The following SUPT5H variants were observed in gnomAD, a reference collection of about 807,000 sequenced individuals.
SUPT5H encodes SPT5 homolog, DSIF elongation factor subunit.
Under a neutral mutation model 142.5 loss-of-function variants are expected in SUPT5H, and 24 were observed. The ratio of observed to expected loss-of-function variants is 0.17; its 90% CI spans 0.12 to 0.24. SUPT5H has a LOEUF of 0.24. SUPT5H is among the 10% of genes least tolerant of loss of function. The pLI, the probability that SUPT5H is intolerant of heterozygous loss-of-function variation, is 1.00. For missense variants in SUPT5H, 893 were observed against 1,471.8 expected (o/e 0.61, Z 6.43); for synonymous variants, 546 against 553.0 (o/e 0.99, Z 0.18).
At position 39,458,431 on chromosome 19, in the gene SUPT5H, C is replaced by G; in HGVS notation, c.319+126C>G. 1 of 1,516,510 alleles carries G rather than the reference C, an allele frequency of 6.6e-7. No homozygotes were observed. The highest frequency in any genetic ancestry group is 8.9e-7 in the Non-Finnish European group (1 of 1,122,860). 93.9% of individuals were successfully genotyped at this position (1,516,510 alleles called of 1,614,324 possible). ...CCGGTCTGGCCCTGAGGGCTCTGACCCATGTAGGATCCAGAGTCAGGGAGT... is the reference window on the plus strand; with the variant it reads ...CCGGTCTGGCCCTGAGGGCTCTGACGCATGTAGGATCCAGAGTCAGGGAGT... On this transcript the variant is annotated intron_variant, in intron 5 of 29. Coordinates refer to ENST00000432763, the MANE Select transcript of SUPT5H (RefSeq NM_001111020.3). This position sits in a 1 kb window ranked among gnomAD's most constrained non-coding sequence, Gnocchi z 4.2.
At chr19:39,461,821 CAAAAA>C (rs747295729) in intron 10 of SUPT5H, among the ~76,000 whole-genome samples, 61 of 128,416 alleles carry the variant, frequency 4.8e-4, no homozygotes, top group African/African-American at 1.6e-3. Context: ...GAGACTGTCT[CAAAAA>C]AAAAAAAAAA....
intron 8 of SUPT5H, 55 bp downstream of exon 8, chr19:39,459,304 G>A: frequency 6.5e-7 from 1 of 1,544,190 alleles, no homozygotes; most frequent in South Asian, 1.2e-5. Context: ...TGTATGGGGT[G>A]ATGGTGCCTA....
intron 3 of SUPT5H, among the ~76,000 whole-genome samples, chr19:39,456,638 A>C (rs62120667): frequency 0.16 from 24,126 of 151,654 alleles, 2,114 homozygotes; most frequent in Middle Eastern, 0.28. Context: ...CAGGCTGATC[A>C]TGAGCTCCTG....
In SUPT5H at chr19:39,472,726, C is replaced by A; in HGVS notation, c.2036-84C>A. On this transcript the variant is annotated intron_variant, in intron 21 of 29. Transcript: ENST00000432763. This position sits in a 1 kb window ranked among gnomAD's most constrained non-coding sequence, Gnocchi z 4.2. ...GCTCTTAACCCAAGTAGGGAGGAGT[C>A]AAGCAAGTGAAGGGGACGTTCTGAT... 6.6e-7 allele frequency: 1 copy of A among 1,521,048 alleles called. No individual in the cohort carries two copies. 94.2% of individuals were successfully genotyped at this position (1,521,048 alleles called of 1,614,324 possible).
intron 3 of SUPT5H, among the ~76,000 whole-genome samples, chr19:39,454,926 TATGTTGGTGGTGGAA>T (rs2079068708): frequency 2.6e-5 from 4 of 152,142 alleles, no homozygotes. Flanking sequence ...GGGACACCCA[TATGTTGGTGGTGGAA>T]GTGTTGGTGG....
rs570883171 is a variant in SUPT5H, at chr19:39,452,898, A to G, written c.76-458A>G. On this transcript the variant is annotated intron_variant, in intron 2 of 29. Coordinates refer to ENST00000432763, the MANE Select transcript of SUPT5H (RefSeq NM_001111020.3). ...TGTGGTGGCGCACACCTGTAATCTCAGCTACTCAGGAGGCTGAGGCAAGAG... is the reference window on the plus strand; with the variant it reads ...TGTGGTGGCGCACACCTGTAATCTCGGCTACTCAGGAGGCTGAGGCAAGAG... Among the ~76,000 whole-genome samples the G allele has an allele frequency of 2.7e-4, 41 of 151,974 alleles. No individual in the cohort carries two copies. In the Middle Eastern group the frequency reaches 0.01, roughly 38 times the overall value.
Position 39,476,474 on chromosome 19 carries a change from A to G in SUPT5H, c.*75A>G, listed in dbSNP as rs1184785449. 2 of 1,574,360 alleles carry G rather than the reference A, an allele frequency of 1.3e-6. No homozygotes were observed. Among genetic ancestry groups the G allele is most frequent in the Admixed American group, 1.7e-5 (1 of 58,764 alleles). On this transcript the variant is annotated 3_prime_UTR_variant, in exon 30 of 30. Coordinates refer to ENST00000432763, the MANE Select transcript of SUPT5H (RefSeq NM_001111020.3). ...TTCCCTGGCCCTTGGCTGTGACACA[A>G]GATCCTCCTGCAGGGCTAGGCGGAT...
chr19:39,470,339 C>T lies in SUPT5H; in HGVS notation c.1531-38C>T, dbSNP rs761303453. On this transcript the variant is annotated intron_variant, in intron 17 of 29. Transcript: ENST00000432763. The surrounding 1 kb of genome is among the most constrained non-coding windows in gnomAD (Gnocchi z 5.8). The stretch of plus-strand genomic sequence containing the variant: ...AGAGGAGACCCAGGTAGGCGAGCCA[C>T]CTGGACTGGGCCTCACCCCTTTCAC... The T allele has an allele frequency of 4.5e-6, 7 of 1,545,798 alleles. No homozygotes were observed. The South Asian group carries it at 6.2e-5, about 14-fold the overall frequency.
chr19:39,459,556 T>C lies in SUPT5H; in HGVS notation c.525-3T>C, dbSNP rs186062583. On this transcript the variant is annotated splice_polypyrimidine_tract_variant and splice_region_variant and intron_variant, in intron 8 of 29. Coordinates refer to ENST00000432763, the MANE Select transcript of SUPT5H (RefSeq NM_001111020.3). ...AAGGCCTTCCTTTTCCTCTGCTGCT[T>C]AGGGATCCCAATCTGTGGACTGTCA... The C allele has an allele frequency of 2.9e-4, 463 of 1,613,852 alleles. 1 individual carries two copies. The highest frequency in any genetic ancestry group is 1.9e-5 in the Non-Finnish European group (22 of 1,179,916).
chr19:39,473,557 G>T lies in SUPT5H; in HGVS notation c.2492+36G>T, dbSNP rs1433800054. ...GGTTCCCCAGGTTCTGGTGTGTGCT[G>T]GTGTGTGTGAGGGATGATGCTGGGT... On this transcript the variant is annotated intron_variant, in intron 25 of 29. Transcript: ENST00000432763. The surrounding 1 kb of genome is among the most constrained non-coding windows in gnomAD (Gnocchi z 5.8). 3 of 1,592,440 alleles carry T rather than the reference G, an allele frequency of 1.9e-6. No homozygotes were observed. Among genetic ancestry groups the T allele is most frequent in the Non-Finnish European group, 2.6e-6 (3 of 1,172,984 alleles).
At chr19:39,456,874 A>G (rs2079097786) in intron 3 of SUPT5H, among the ~76,000 whole-genome samples, 1 of 152,194 alleles carries the variant, frequency 6.6e-6, no homozygotes. Context: ...TGGATTTCAT[A>G]TATGTACACA....
At chr19:39,448,333 TG>T (rs1394608910) in intron 2 of SUPT5H, among the ~76,000 whole-genome samples, 2 of 152,100 alleles carry the variant, frequency 1.3e-5, no homozygotes. Flanking sequence ...AGGCTTGCAG[TG>T]AAGAGTTGGA....
At chr19:39,467,550 C>G (rs912622779) in intron 13 of SUPT5H, 2 of 152,250 alleles carry the variant, frequency 1.3e-5, no homozygotes, top group Admixed American at 6.5e-5. Flanking sequence ...TAGAAAGTCT[C>G]CTTTCCTGAT....
chr19:39,445,985 G>T lies in SUPT5H; in HGVS notation c.75+20G>T. ...GCCGAGGTCTGTGGCTGGGGCGCTGGGGGAGACATTGCGTCTGGGGACAGG... is the reference window on the plus strand; with the variant it reads ...GCCGAGGTCTGTGGCTGGGGCGCTGTGGGAGACATTGCGTCTGGGGACAGG... On this transcript the variant is annotated intron_variant, in intron 2 of 29. Transcript: ENST00000432763. The T allele has an allele frequency of 6.2e-7, 1 of 1,608,194 alleles. No homozygotes were observed. The highest frequency in any genetic ancestry group is 8.5e-7 in the Non-Finnish European group (1 of 1,178,788).
chr19:39,471,686 T>G lies in SUPT5H; in HGVS notation c.1906T>G (p.Phe636Val), dbSNP rs1281436754. The change falls in exon 20 of 30, where the codon TTT becomes GTT. Residue 636 changes from phenylalanine to valine, a missense_variant. Phe to Val is a conservative substitution (Grantham distance 50). This residue lies in a region of SUPT5H where 428 missense variants were observed against 763.5 expected (regional missense o/e 0.56). Transcript: ENST00000432763. ...CKKLVENGGM[F>V]VCKTRHLVLA... ...GAAACTGGTGGAGAACGGGGGCATG[T>G]TTGTCTGCAAGACCCGCCACCTGGT... is the stretch of plus-strand genomic sequence containing the variant. The G allele has an allele frequency of 6.2e-7, 1 of 1,614,190 alleles. No individual in the cohort carries two copies. Among genetic ancestry groups the G allele is most frequent in the Non-Finnish European group, 8.5e-7 (1 of 1,180,026 alleles).
At chr19:39,471,951 G>A in intron 20 of SUPT5H, 1 of 668,090 alleles carries the variant, frequency 1.5e-6, no homozygotes, top group Non-Finnish European at 2.4e-6. Flanking sequence ...GCACCTGTTA[G>A]GTGCCAGACA....
chr19:39,448,398 G>A (rs979377965), intron 2 of SUPT5H, among the ~76,000 whole-genome samples: 13 of 152,170 alleles, frequency 8.5e-5, no homozygotes, highest in Non-Finnish European at 1.9e-4. Flanking sequence ...TCTCTAAGCT[G>A]TAGCACTGGA....
At chr19:39,446,111 A>T (rs900937067) in intron 2 of SUPT5H, 146 bp downstream of exon 2, 48 of 925,228 alleles carry the variant, frequency 5.2e-5, no homozygotes, top group Non-Finnish European at 6.9e-5. Flanking sequence ...GAATTAGGCA[A>T]GTCGAAGTCA....
At chr19:39,476,010 TC>T (rs2079399942) in intron 28 of SUPT5H, 70 bp from the exon 29 acceptor site, 2 of 1,396,130 alleles carry the variant, frequency 1.4e-6, no homozygotes, top group South Asian at 2.4e-5. Flanking sequence ...TGAGCCTGTG[TC>T]CCCTGGAGTA....
Sources: gnomAD v4.1 joint callset for allele counts (sites outside exome capture counted in the v4.1 genomes callset) on GRCh38, gnomAD v4.1.1 for gene constraint, gnomAD v4.1.1 regional missense constraint, Gnocchi (gnomAD v3.1) non-coding constraint, MANE v1.5 for transcripts, NCBI Gene and HGNC (gene_info 2026-07-23, HGNC 2026-07-21) for gene names.